The following CAPN14 variants were observed in gnomAD, a reference collection of about 807,000 sequenced individuals.
CAPN14 encodes calpain 14.
In CAPN14, 94 loss-of-function variants were observed where a neutral mutation model predicts 101.3. The observed-to-expected ratio is 0.93, with a 90% confidence interval of 0.79 to 1.10. The LOEUF (loss-of-function observed/expected upper bound fraction) is 1.10. CAPN14 is among the 50% of genes least tolerant of loss of function. The probability of loss-of-function intolerance (pLI) is 0.00; values close to 1 mark genes in which losing one functional copy is unlikely to be tolerated. For synonymous variants in CAPN14, 338 were observed against 317.9 expected, an observed-to-expected ratio of 1.06 and a Z score of -0.67; for missense variants, 837 against 828.4, an observed-to-expected ratio of 1.01 and a Z score of -0.13.
rs1681523585 is a variant in CAPN14, at chr2:31,197,442, C to A, written c.790-108G>T. ...GAGCACTTGCAGTGGAAAATCACAGCCCCAGAGAGAGCTGGTAGAGGAGAA... is the reference window on the plus strand; with the variant it reads ...GAGCACTTGCAGTGGAAAATCACAGACCCAGAGAGAGCTGGTAGAGGAGAA... On this transcript the variant is annotated intron_variant, in intron 7 of 21. Coordinates refer to ENST00000403897, the MANE Select transcript of CAPN14 (RefSeq NM_001145122.2). The A allele has an allele frequency of 1.1e-5, 8 of 722,246 alleles. 1 individual carries two copies. The South Asian group carries it at 1.2e-4, about 11-fold the overall frequency. 44.7% of individuals were successfully genotyped at this position (722,246 alleles called of 1,614,324 possible). A position where few individuals can be genotyped will look rare whatever the true frequency, so the allele number is the denominator to read the frequency against.
At chr2:31,179,066 ATAT>A (rs1558610467) in intron 17 of CAPN14, among the ~76,000 whole-genome samples, 26 of 74,540 alleles carry the variant, frequency 3.5e-4, no homozygotes, top group African/African-American at 1.8e-3. Context: ...AGTTCTATAT[ATAT>A]ATATATATAT....
Position 31,230,239 on chromosome 2 carries a change from C to G in CAPN14, c.-177+3552G>C, listed in dbSNP as rs1572454517. Among the ~76,000 whole-genome samples, 1 of 152,324 alleles carries G rather than the reference C, an allele frequency of 6.6e-6. No individual in the cohort carries two copies. The highest frequency in any genetic ancestry group is 1.9e-4 in the East Asian group (1 of 5,190). On this transcript the variant is annotated intron_variant and NMD_transcript_variant, in intron 1 of 21. Coordinates refer to the CAPN14 transcript ENST00000398824. This position sits in a 1 kb window ranked among gnomAD's most constrained non-coding sequence, Gnocchi z 4.3. ...GTATATATTTTATATGAATGTGGCA[C>G]ATTTATCCATTTACTCGGTGAAGGA... is the stretch of plus-strand genomic sequence containing the variant.
intron 2 of CAPN14, among the ~76,000 whole-genome samples, chr2:31,223,291 C>G (rs888596975): frequency 4.6e-5 from 7 of 152,202 alleles, no homozygotes; most frequent in Non-Finnish European, 1.0e-4. Flanking sequence ...CTTTGGCTCA[C>G]CCTCTATCCA....
intron 1 of CAPN14, among the ~76,000 whole-genome samples, chr2:31,231,544 G>A (rs1473222333): frequency 6.6e-6 from 1 of 152,078 alleles, no homozygotes; most frequent in African/African-American, 2.4e-5. Flanking sequence ...CTAGTCTATA[G>A]AAATGCTCCA....
In CAPN14 at chr2:31,201,903, C is replaced by A. The variant is rs552440865; in HGVS notation, c.510G>T (p.Lys170Asn). The change falls in exon 5 of 22, where the codon AAG becomes AAT. Residue 170 changes from lysine (K) to asparagine (N), a missense_variant. By Grantham distance (94) the Lys-to-Asn change is moderately conservative. Coordinates refer to ENST00000403897, the MANE Select transcript of CAPN14 (RefSeq NM_001145122.2). ...GQLVFVSSTY[K>N]NLFWGALLEK... is the part of the protein sequence containing the mutation. The stretch of plus-strand genomic sequence containing the variant: ...CCAGAAGTGCTCCCCAGAACAAGTT[C>A]TTATAGGTGGAGGAGACAAAGACCA... The A allele has an allele frequency of 6.4e-7, 1 of 1,551,730 alleles. No individual in the cohort carries two copies. Among genetic ancestry groups the A allele is most frequent in the African/African-American group, 1.4e-5 (1 of 73,176 alleles).
chr2:31,197,166 C>G, intron 8 of CAPN14, 83 bp downstream of exon 8: 1 of 902,340 alleles, frequency 1.1e-6, no homozygotes, highest in South Asian at 1.5e-5. Flanking sequence ...AAAGAAAGCA[C>G]ACATTTGAAT....
chr2:31,187,834 G>A lies in CAPN14; in HGVS notation c.1531-20C>T, dbSNP rs1288575428. ...TATCTCCTATAGGAAGAGACACACA[G>A]AAAGACACAATTATTCACCTGTATA... On this transcript the variant is annotated intron_variant, in intron 14 of 21. Coordinates refer to ENST00000403897, the MANE Select transcript of CAPN14 (RefSeq NM_001145122.2). 5.2e-6 allele frequency: 8 copies of A among 1,542,364 alleles called. No individual in the cohort carries two copies. Among genetic ancestry groups the A allele is most frequent in the African/African-American group, 1.4e-5 (1 of 72,620 alleles).
At chr2:31,188,384 G>C (rs1388213351) in intron 13 of CAPN14, 30 bp from the exon 14 acceptor site, 1 of 1,550,568 alleles carries the variant, frequency 6.4e-7, no homozygotes, top group Non-Finnish European at 8.7e-7. Context: ...AACAAACTCA[G>C]AGTTTCCTCT....
chr2:31,181,641 T>A (rs7569521), intron 16 of CAPN14, among the ~76,000 whole-genome samples: 44,928 of 142,102 alleles, frequency 0.32, 8,696 homozygotes, highest in African/African-American at 0.53. Flanking sequence ...CATTTAGCAT[T>A]AGGCATATCT....
intron 2 of CAPN14, among the ~76,000 whole-genome samples, chr2:31,204,866 G>A (rs76016915): frequency 0.19 from 28,914 of 152,126 alleles, 3,119 homozygotes; most frequent in East Asian, 0.37. Flanking sequence ...TGGGAATCAC[G>A]GTCCTGATTT....
At chr2:31,178,324 A>T (rs1057045104) in intron 18 of CAPN14, among the ~76,000 whole-genome samples, 187 bp downstream of exon 18, 2 of 152,160 alleles carry the variant, frequency 1.3e-5, no homozygotes, top group African/African-American at 2.4e-5. Context: ...ACTTCAGGAG[A>T]CTACTGCAAC....
intron 19 of CAPN14, among the ~76,000 whole-genome samples, chr2:31,177,505 G>A (rs75873070): frequency 0.022 from 3,310 of 152,280 alleles, 54 homozygotes; most frequent in South Asian, 0.044. Flanking sequence ...GTGAAGTGAG[G>A]ATTATAACAA....
At chr2:31,209,636 A>C (rs1682287920) in intron 1 of CAPN14, among the ~76,000 whole-genome samples, 1 of 152,170 alleles carries the variant, frequency 6.6e-6, no homozygotes, top group African/African-American at 2.4e-5. Context: ...GGTAAATGGG[A>C]ACATTTTAAA....
rs560075412 is a variant in CAPN14 at position 31,174,513 on chromosome 2, A to G, written c.*168T>C. The G allele has an allele frequency of 1.3e-4, 87 of 654,514 alleles. 2 individuals are homozygous for G. In the Middle Eastern group the frequency reaches 2.9e-3, roughly 22 times the overall value. 40.5% of individuals were successfully genotyped at this position (654,514 alleles called of 1,614,324 possible). ...TCCCTTCCCTTTCTGCATGCTGGCC[A>G]TGCACGGGGAGGGCTGCAGAAGAGA... On this transcript the variant is annotated 3_prime_UTR_variant, in exon 22 of 22. Transcript: ENST00000403897.
intron 16 of CAPN14, among the ~76,000 whole-genome samples, chr2:31,181,567 A>G: frequency 7.0e-6 from 1 of 143,014 alleles, no homozygotes; most frequent in African/African-American, 2.7e-5. Flanking sequence ...ACATGTGCAC[A>G]ATGTGCAGGT....
intron 9 of CAPN14, 99 bp downstream of exon 9, chr2:31,194,310 C>G: frequency 1.2e-6 from 1 of 826,212 alleles, no homozygotes; most frequent in Non-Finnish European, 2.0e-6. Flanking sequence ...GATCTCTGTA[C>G]ATGAAGTTCC....
At chr2:31,179,029 T>A (rs1680452549) in intron 17 of CAPN14, among the ~76,000 whole-genome samples, 1 of 147,326 alleles carries the variant, frequency 6.8e-6, no homozygotes, top group Admixed American at 6.8e-5. Flanking sequence ...CACGCCTACT[T>A]TTTTTTCTTC....
chr2:31,205,296 G>A lies in CAPN14; in HGVS notation c.152C>T (p.Ala51Val), dbSNP rs1355554164. Residue 51 changes from alanine to valine, a missense_variant, in exon 2 of 22, where the codon GCC becomes GTC. Ala to Val is a moderately conservative substitution (Grantham distance 64, BLOSUM62 0). Transcript: ENST00000403897. The stretch of plus-strand genomic sequence containing the variant: ...GCCACTGCCGATGGAGCTCAGGGTG[G>A]CCGGGAAGCTGGTGTCTTCAAAGAG... ...GCLFEDTSFPATLSSIGSGSL... is the reference protein window; with the variant it reads ...GCLFEDTSFPVTLSSIGSGSL... 3 of 1,550,474 alleles carry A rather than the reference G, an allele frequency of 1.9e-6. No homozygotes were observed. Among genetic ancestry groups the A allele is most frequent in the Non-Finnish European group, 2.6e-6 (3 of 1,146,988 alleles).
At chr2:31,180,395 T>C (rs150909246) in intron 17 of CAPN14, among the ~76,000 whole-genome samples, 5,417 of 152,318 alleles carry the variant, frequency 0.036, 110 homozygotes, top group Middle Eastern at 0.058. Context: ...AAACATTGAT[T>C]ACAATTATCC....
Sources: allele counts gnomAD v4.1 joint callset (sites outside exome capture counted in the v4.1 genomes callset), GRCh38; gene constraint gnomAD v4.1.1; non-coding constraint Gnocchi (gnomAD v3.1); transcripts MANE v1.5; gene names NCBI Gene and HGNC (gene_info 2026-07-23, HGNC 2026-07-21).